NRXN1: variants seen among roughly 807,000 people sequenced by gnomAD.
NRXN1 encodes neurexin-1.
Under a neutral mutation model 150.9 loss-of-function variants are expected in NRXN1, and 39 were observed. The observed-to-expected ratio is 0.26, with a 90% CI of 0.20 to 0.34. NRXN1 has a LOEUF of 0.34. Ranked by LOEUF, NRXN1 falls within the 10% of genes least tolerant of loss-of-function variation. NRXN1 has a pLI of 1.00. For missense variants in NRXN1, 1,815 were observed against 1,949.9 expected (o/e 0.93, Z 1.30); for synonymous variants, 924 against 757.0 (o/e 1.22, Z -3.62).
rs192721131 is a variant in NRXN1 at position 50,874,862 on chromosome 2, G to A, written c.832+47007C>T. 1.1e-4 allele frequency among the ~76,000 whole-genome samples: 16 copies of A among 151,756 alleles called. No individual in the cohort carries two copies. In the East Asian group the frequency reaches 2.2e-3, roughly 20 times the overall value. On this transcript the variant is annotated intron_variant, in intron 5 of 22. Coordinates refer to ENST00000401669, the MANE Select transcript of NRXN1 (RefSeq NM_001330078.2). ...TTTTATATACTACGTTGAGAAATGG[G>A]AATTCCTGTCAAATGTATCTTACGA...
At chr2:50,779,346 T>C (rs952073160) in intron 5 of NRXN1, among the ~76,000 whole-genome samples, 2 of 152,226 alleles carry the variant, frequency 1.3e-5, no homozygotes, top group Non-Finnish European at 2.9e-5. Context: ...GCAAAATACA[T>C]GAACTCATCT....
intron 17 of NRXN1, among the ~76,000 whole-genome samples, chr2:50,324,441 G>A (rs2076254145): frequency 6.6e-6 from 1 of 152,238 alleles, no homozygotes; most frequent in Non-Finnish European, 1.5e-5. Context: ...GCACTCACTT[G>A]CAGGAACTTC....
intron 17 of NRXN1, among the ~76,000 whole-genome samples, chr2:50,422,212 G>C (rs2084051683): frequency 6.6e-6 from 1 of 152,102 alleles, no homozygotes; most frequent in African/African-American, 2.4e-5. Context: ...ATTCAAATCT[G>C]TGGTTCTGGG....
chr2:50,768,262 A>G (rs1206411128), intron 5 of NRXN1, among the ~76,000 whole-genome samples: 2 of 152,098 alleles, frequency 1.3e-5, no homozygotes, highest in African/African-American at 2.4e-5. Flanking sequence ...TGAAAAGGGC[A>G]GTAAAGTTAG....
intron 5 of NRXN1, among the ~76,000 whole-genome samples, chr2:50,823,412 A>C (rs894837894): frequency 6.6e-6 from 1 of 152,146 alleles, no homozygotes; most frequent in Non-Finnish European, 1.5e-5. Flanking sequence ...ACCATCATAC[A>C]ACTACAATAA....
At chr2:50,160,496 G>A (rs1311402627) in intron 18 of NRXN1, among the ~76,000 whole-genome samples, 5 of 151,896 alleles carry the variant, frequency 3.3e-5, no homozygotes, top group Non-Finnish European at 7.4e-5. Context: ...AGCTGAGATT[G>A]CGCCATTGCA....
chr2:50,865,945 G>C (rs1052202184), intron 5 of NRXN1, among the ~76,000 whole-genome samples: 3 of 151,518 alleles, frequency 2.0e-5, no homozygotes, highest in Non-Finnish European at 4.4e-5. Flanking sequence ...TGGAGAACTT[G>C]CAAAAGAAAA....
intron 2 of NRXN1, among the ~76,000 whole-genome samples, chr2:51,015,538 G>A (rs1187491335): frequency 2.6e-5 from 4 of 152,000 alleles, no homozygotes; most frequent in African/African-American, 7.2e-5. Context: ...GCTAACAGCA[G>A]GAGAGGAGCA....
At chr2:49,999,569 C>G (rs1275519690) in intron 21 of NRXN1, among the ~76,000 whole-genome samples, 1 of 152,056 alleles carries the variant, frequency 6.6e-6, no homozygotes, top group Non-Finnish European at 1.5e-5. Context: ...TTCTTTGTTG[C>G]ATCAATTTTT....
intron 5 of NRXN1, among the ~76,000 whole-genome samples, chr2:50,866,532 G>A (rs2106068493): frequency 6.6e-6 from 1 of 151,990 alleles, no homozygotes; most frequent in Non-Finnish European, 1.5e-5. Context: ...AGTATCCATG[G>A]CTGTCATGAA....
Position 50,374,318 on chromosome 2 carries a change from T to TAAATAAAC in NRXN1, c.3364+91123_3364+91124insGTTTATTT, listed in dbSNP as rs1158448180. The stretch of plus-strand genomic sequence containing the variant: ...GAAAATAAATAAATAAATAAATAAA[T>TAAATAAAC]AAATAAATAAATAAATAAATAAAAT... On this transcript the variant is annotated intron_variant, in intron 17 of 22. Coordinates refer to ENST00000401669, the MANE Select transcript of NRXN1 (RefSeq NM_001330078.2). 1.1e-3 allele frequency among the ~76,000 whole-genome samples: 165 copies of TAAATAAAC among 150,234 alleles called. 5 individuals are homozygous for TAAATAAAC. In the South Asian group the frequency reaches 0.033, roughly 30 times the overall value.
At chr2:50,392,110 A>G (rs552954485) in intron 17 of NRXN1, among the ~76,000 whole-genome samples, 4 of 152,116 alleles carry the variant, frequency 2.6e-5, no homozygotes, top group Non-Finnish European at 5.9e-5. Flanking sequence ...AATACAGCCA[A>G]TCATGCAATT....
chr2:50,332,444 A>T (rs747020068), intron 17 of NRXN1, among the ~76,000 whole-genome samples: 8 of 152,194 alleles, frequency 5.3e-5, no homozygotes, highest in Non-Finnish European at 1.0e-4. Flanking sequence ...CACAGACTGG[A>T]TGTATCTTAA....
chr2:50,293,876 G>T (rs1376496242), intron 17 of NRXN1, among the ~76,000 whole-genome samples: 1 of 152,160 alleles, frequency 6.6e-6, no homozygotes, highest in South Asian at 2.1e-4. Flanking sequence ...TGCAAGGAAG[G>T]TTTCCTGTGT....
At chr2:50,790,106 C>T (rs184268389) in intron 5 of NRXN1, among the ~76,000 whole-genome samples, 1 of 151,574 alleles carries the variant, frequency 6.6e-6, no homozygotes, top group East Asian at 1.9e-4. Context: ...AGTTGTAAAC[C>T]TGCTTTTAAC....
chr2:50,948,428 A>G (rs1690759784), intron 2 of NRXN1, among the ~76,000 whole-genome samples: 1 of 152,094 alleles, frequency 6.6e-6, no homozygotes, highest in South Asian at 2.1e-4. Flanking sequence ...AGCAATAAAA[A>G]ACACACTTAA....
intron 5 of NRXN1, among the ~76,000 whole-genome samples, chr2:50,882,985 C>A (rs549934512): frequency 6.6e-6 from 1 of 151,642 alleles, no homozygotes; most frequent in South Asian, 2.1e-4. Context: ...TGGTAACAGA[C>A]AACTGTCATA....
chr2:50,539,610 C>T (rs1380426397), intron 9 of NRXN1, among the ~76,000 whole-genome samples: 2 of 152,216 alleles, frequency 1.3e-5, no homozygotes, highest in South Asian at 2.1e-4. Flanking sequence ...GATACTTTAT[C>T]TTCAGAAAGA....
rs113887282 is a variant in NRXN1, at chr2:50,677,725, G to C, written c.833-54110C>G. On this transcript the variant is annotated intron_variant, in intron 5 of 22. Coordinates refer to ENST00000401669, the MANE Select transcript of NRXN1 (RefSeq NM_001330078.2). ...GTAGGCCATGACAATTTTCATTAAA[G>C]AAGTCCAGATATAAAACAAAATTGT... Among the ~76,000 whole-genome samples, 283 of 152,126 alleles carry C rather than the reference G, an allele frequency of 1.9e-3. 6 individuals are homozygous for C. The highest frequency in any genetic ancestry group is 6.6e-3 in the African/African-American group (275 of 41,514).
Sources: allele counts gnomAD v4.1 joint callset (sites outside exome capture counted in the v4.1 genomes callset), GRCh38; gene constraint gnomAD v4.1.1; transcripts MANE v1.5; gene names NCBI Gene and HGNC (gene_info 2026-07-23, HGNC 2026-07-21).